CAMK2A: variants seen among roughly 807,000 people sequenced by gnomAD.
CAMK2A encodes calcium/calmodulin dependent protein kinase II alpha, also known as calcium/calmodulin-dependent protein kinase type II subunit alpha.
A neutral mutation model predicts 79.2 loss-of-function variants in CAMK2A; 7 were observed. That is an observed-to-expected ratio of 0.09 (90% confidence interval 0.05 to 0.17). The LOEUF (loss-of-function observed/expected upper bound fraction) is 0.17, where lower values mean the gene tolerates loss of function less well. CAMK2A is among the 10% of genes least tolerant of loss of function. The pLI is 1.00. For missense variants in CAMK2A, 214 were observed against 646.4 expected (o/e 0.33, Z 7.25); for synonymous variants, 242 against 251.7 (o/e 0.96, Z 0.36).
chr5:150,245,942 T>C (rs576764613), intron 12 of CAMK2A, among the ~76,000 whole-genome samples: 1 of 152,376 alleles, frequency 6.6e-6, no homozygotes, highest in Non-Finnish European at 1.5e-5. Flanking sequence ...GGAAATGGCC[T>C]GAATGTCCAG....
Position 150,289,651 on chromosome 5 carries a change from C to T in CAMK2A, c.-26G>A, listed in dbSNP as rs1176424202. 2 of 1,605,736 alleles carry T rather than the reference C, an allele frequency of 1.2e-6. No individual in the cohort carries two copies. Among genetic ancestry groups the T allele is most frequent in the Non-Finnish European group, 8.5e-7 (1 of 1,173,328 alleles). On this transcript the variant is annotated 5_prime_UTR_variant, in exon 1 of 19. Coordinates refer to ENST00000671881, the MANE Select transcript of CAMK2A (RefSeq NM_015981.4). ...CCTGGCGCTGGGCAGGCAGGTGAGG[C>T]TTGGGACTGGGGGACCAGGACTGAG... is the stretch of plus-strand genomic sequence containing the variant.
At chr5:150,242,157 G>A (rs1755375990) in intron 13 of CAMK2A, among the ~76,000 whole-genome samples, 1 of 152,212 alleles carries the variant, frequency 6.6e-6, no homozygotes, top group Admixed American at 6.5e-5. Flanking sequence ...CCGGGAGGGG[G>A]ACGTTGCTTC....
At chr5:150,271,614 G>A (rs567155947) in intron 2 of CAMK2A, among the ~76,000 whole-genome samples, 25 of 152,170 alleles carry the variant, frequency 1.6e-4, no homozygotes, top group Admixed American at 4.6e-4. Context: ...ACCATGGATT[G>A]TACAGCCCAT....
intron 18 of CAMK2A, 56 bp from the exon 19 acceptor site, chr5:150,222,769 C>CCA: frequency 6.2e-7 from 1 of 1,608,524 alleles, no homozygotes. Context: ...CTTGGGCAAC[C>CCA]CACCCACCCT....
chr5:150,232,298 T>A (rs745746503), intron 15 of CAMK2A, among the ~76,000 whole-genome samples: 7 of 151,342 alleles, frequency 4.6e-5, no homozygotes, highest in Non-Finnish European at 1.0e-4. Flanking sequence ...GTTATGAGGG[T>A]GGGGTGATGT....
At chr5:150,233,858 G>A (rs1343801180) in intron 15 of CAMK2A, among the ~76,000 whole-genome samples, 1 of 152,082 alleles carries the variant, frequency 6.6e-6, no homozygotes. Context: ...CATTGTCCAG[G>A]CAGGAGTGCA....
chr5:150,251,710 C>G, intron 9 of CAMK2A, 40 bp downstream of exon 9: 1 of 1,461,446 alleles, frequency 6.8e-7, no homozygotes, highest in Non-Finnish European at 9.3e-7. Context: ...TGGAAGGGCA[C>G]CAGAGGATGA....
chr5:150,228,981 G>A (rs1052593584), intron 16 of CAMK2A, among the ~76,000 whole-genome samples: 1 of 152,206 alleles, frequency 6.6e-6, no homozygotes, highest in Non-Finnish European at 1.5e-5. Context: ...GATCCTGACA[G>A]CCAGGCAGGG....
intron 13 of CAMK2A, among the ~76,000 whole-genome samples, chr5:150,241,907 G>A (rs1440829639): frequency 6.6e-6 from 1 of 152,184 alleles, no homozygotes; most frequent in Non-Finnish European, 1.5e-5. Flanking sequence ...GAAGGGGCCA[G>A]GCCCCACACA....
At chr5:150,258,406 G>A (rs1009043049) in intron 3 of CAMK2A, among the ~76,000 whole-genome samples, 6 of 152,208 alleles carry the variant, frequency 3.9e-5, no homozygotes, top group African/African-American at 7.2e-5. Context: ...ATGCAGGGGC[G>A]TGCTGGCTCA....
Position 150,221,756 on chromosome 5 carries a change from A to T in CAMK2A, c.*954T>A. 1 of 396,630 alleles carries T rather than the reference A, an allele frequency of 2.5e-6. No homozygotes were observed. The highest frequency in any genetic ancestry group is 4.4e-6 in the Non-Finnish European group (1 of 225,420). 24.6% of individuals were successfully genotyped at this position (396,630 alleles called of 1,614,324 possible). ...GGTCCACCTCAGAGATGACAAAAAA[A>T]AAAAAAAAAACTAGAACAGAAAAAA... On this transcript the variant is annotated 3_prime_UTR_variant, in exon 19 of 19. Coordinates refer to ENST00000671881, the MANE Select transcript of CAMK2A (RefSeq NM_015981.4).
chr5:150,283,873 C>T (rs981675044), intron 1 of CAMK2A, among the ~76,000 whole-genome samples: 2 of 152,180 alleles, frequency 1.3e-5, no homozygotes, highest in African/African-American at 4.8e-5. Flanking sequence ...ATGTGTTCCT[C>T]TTCTTATATG....
Position 150,221,219 on chromosome 5 carries a change from A to G in CAMK2A, c.*1491T>C. On this transcript the variant is annotated 3_prime_UTR_variant, in exon 19 of 19. Transcript: ENST00000671881. ...ACTTACTGCGTATAAAGTCATGCAA[A>G]GAAAACAGTGCAGACAGTAGATCCT... 1 of 392,672 alleles carries G rather than the reference A, an allele frequency of 2.5e-6. No homozygotes were observed. Among genetic ancestry groups the G allele is most frequent in the Non-Finnish European group, 4.5e-6 (1 of 222,602 alleles). The allele number at this position is 392,672 out of a possible 1,614,324, so 24.3% of individuals were successfully genotyped here.
intron 12 of CAMK2A, among the ~76,000 whole-genome samples, chr5:150,247,125 C>T (rs776570545): frequency 1.3e-5 from 2 of 152,250 alleles, no homozygotes; most frequent in Non-Finnish European, 2.9e-5. Context: ...GCACTCCCTG[C>T]CTTAACCAGC....
intron 2 of CAMK2A, among the ~76,000 whole-genome samples, chr5:150,269,086 T>C (rs1012173549): frequency 6.6e-6 from 1 of 151,800 alleles, no homozygotes; most frequent in Non-Finnish European, 1.5e-5. Flanking sequence ...AATTAATTAA[T>C]TGATGAATAG....
At chr5:150,247,487 T>C (rs1161601720) in intron 12 of CAMK2A, among the ~76,000 whole-genome samples, 1 of 152,128 alleles carries the variant, frequency 6.6e-6, no homozygotes, top group East Asian at 1.9e-4. Flanking sequence ...TCAGAAGCCT[T>C]CCCCTCTAGG....
At chr5:150,272,633 G>A (rs141740429) in intron 2 of CAMK2A, among the ~76,000 whole-genome samples, 130 of 152,078 alleles carry the variant, frequency 8.5e-4, no homozygotes, top group African/African-American at 2.9e-3. Context: ...TCAGATTGAG[G>A]GGTCAGGAAA....
intron 6 of CAMK2A, among the ~76,000 whole-genome samples, chr5:150,254,083 C>A (rs1467069298): frequency 6.6e-6 from 1 of 152,162 alleles, no homozygotes; most frequent in Non-Finnish European, 1.5e-5. Context: ...CTCCCCCAAG[C>A]TTCAAAGTGG....
chr5:150,230,350 A>G (rs1192577706), intron 16 of CAMK2A, among the ~76,000 whole-genome samples: 6 of 152,082 alleles, frequency 3.9e-5, no homozygotes, highest in African/African-American at 1.2e-4. Context: ...AGGGAAAAAA[A>G]AAAGAATGCA....
Sources: gnomAD v4.1 joint callset for allele counts (sites outside exome capture counted in the v4.1 genomes callset) on GRCh38, gnomAD v4.1.1 for gene constraint, MANE v1.5 for transcripts, NCBI Gene and HGNC (gene_info 2026-07-23, HGNC 2026-07-21) for gene names.